DLG2: variants seen among roughly 807,000 people sequenced by gnomAD.
DLG2 encodes the protein discs large MAGUK scaffold protein 2.
Under a neutral mutation model 132.5 loss-of-function variants are expected in DLG2, and 45 were observed. The observed-to-expected ratio is 0.34, with a 90% CI of 0.27 to 0.44. The LOEUF (loss-of-function observed/expected upper bound fraction) is 0.44. Ranked by LOEUF, DLG2 falls within the 20% of genes least tolerant of loss-of-function variation. DLG2 has a pLI of 1.00. For missense variants in DLG2, 1,045 were observed against 1,196.9 expected, an observed-to-expected ratio of 0.87 and a Z score of 1.87; for synonymous variants, 424 against 419.6, an observed-to-expected ratio of 1.01 and a Z score of -0.13.
chr11:83,696,749 T>C (rs2082016694), intron 18 of DLG2, among the ~76,000 whole-genome samples: 1 of 152,166 alleles, frequency 6.6e-6, no homozygotes, highest in Non-Finnish European at 1.5e-5. Context: ...TGCAGAGTAT[T>C]GGGTCTGTCA....
At chr11:84,288,351 A>T (rs1270533364) in intron 7 of DLG2, among the ~76,000 whole-genome samples, 3 of 152,064 alleles carry the variant, frequency 2.0e-5, no homozygotes. Context: ...TTATTTTATT[A>T]ATGCTATCAG....
chr11:84,465,674 A>C (rs1308576319), intron 7 of DLG2, among the ~76,000 whole-genome samples: 1 of 151,272 alleles, frequency 6.6e-6, no homozygotes, highest in Non-Finnish European at 1.5e-5. Context: ...TTAACAAAAT[A>C]ATCATTTTTA....
intron 17 of DLG2, among the ~76,000 whole-genome samples, chr11:83,829,996 GT>G (rs2054013882): frequency 6.6e-6 from 1 of 152,050 alleles, no homozygotes; most frequent in African/African-American, 2.4e-5. Context: ...AACATGCGGT[GT>G]TTCGTTTTCT....
At chr11:84,823,913 C>T (rs753644642) in intron 6 of DLG2, among the ~76,000 whole-genome samples, 44 of 151,900 alleles carry the variant, frequency 2.9e-4, no homozygotes, top group Non-Finnish European at 5.7e-4. Context: ...AAAGGTGGCA[C>T]GGCTCTGTCC....
intron 7 of DLG2, among the ~76,000 whole-genome samples, chr11:84,373,197 A>G (rs905294312): frequency 7.2e-6 from 1 of 138,118 alleles, no homozygotes; most frequent in Non-Finnish European, 1.5e-5. Flanking sequence ...GGATGATCTC[A>G]ACAATGTTAC....
At chr11:85,049,226 G>A (rs1428065904) in intron 6 of DLG2, among the ~76,000 whole-genome samples, 3 of 151,832 alleles carry the variant, frequency 2.0e-5, no homozygotes, top group East Asian at 1.9e-4. Context: ...TTCCAGTCTC[G>A]TGGTACCAAT....
intron 2 of DLG2, among the ~76,000 whole-genome samples, chr11:85,611,063 T>G (rs1431263012): frequency 6.6e-6 from 1 of 152,094 alleles, no homozygotes; most frequent in African/African-American, 2.4e-5. Flanking sequence ...AGGACAAAAC[T>G]TATCTCTATA....
In DLG2 at chr11:83,670,106, T is replaced by A. The variant is rs191647099; in HGVS notation, c.1826-36781A>T. 7.9e-5 allele frequency among the ~76,000 whole-genome samples: 12 copies of A among 152,318 alleles called. No individual in the cohort carries two copies. The East Asian group carries it at 2.1e-3, about 27-fold the overall frequency. ...CAGCTTATCCAGCTGAGGACAGGCA[T>A]CATAAATATTCCAGTGAGTTCCATG... On this transcript the variant is annotated intron_variant, in intron 18 of 27. Coordinates refer to ENST00000376104, the MANE Select transcript of DLG2 (RefSeq NM_001142699.3).
intron 12 of DLG2, among the ~76,000 whole-genome samples, chr11:83,971,403 G>A (rs2091309141): frequency 6.6e-6 from 1 of 152,192 alleles, no homozygotes; most frequent in Non-Finnish European, 1.5e-5. Context: ...CAAACCAGCT[G>A]AAGAAAGAGG....
At position 85,073,967 on chromosome 11, in the gene DLG2, G is replaced by A. The variant is rs772387829; in HGVS notation, c.357+37694C>T. Among the ~76,000 whole-genome samples the A allele has an allele frequency of 4.1e-4, 62 of 151,768 alleles. 1 individual carries two copies. The highest frequency in any genetic ancestry group is 2.6e-4 in the Admixed American group (4 of 15,192). On this transcript the variant is annotated intron_variant, in intron 6 of 27. Coordinates refer to ENST00000376104, the MANE Select transcript of DLG2 (RefSeq NM_001142699.3). ...TGCAGCAACCTGAATGTATCTGAAGGCCATTATCCAAGTGAACCAACACAG... is the reference window on the plus strand; with the variant it reads ...TGCAGCAACCTGAATGTATCTGAAGACCATTATCCAAGTGAACCAACACAG...
intron 19 of DLG2, among the ~76,000 whole-genome samples, chr11:83,584,350 C>T (rs1056155187): frequency 6.6e-6 from 1 of 152,110 alleles, no homozygotes; most frequent in African/African-American, 2.4e-5. Context: ...GAGTTGATAG[C>T]CCAGTTCCAT....
intron 13 of DLG2, among the ~76,000 whole-genome samples, chr11:83,963,425 TTCTCC>T (rs1383926710): frequency 6.6e-6 from 1 of 151,976 alleles, no homozygotes; most frequent in Non-Finnish European, 1.5e-5. Flanking sequence ...AAGGATCAGG[TTCTCC>T]TGTGAGACTT....
At chr11:84,793,148 C>A (rs1254962466) in intron 6 of DLG2, among the ~76,000 whole-genome samples, 1 of 152,016 alleles carries the variant, frequency 6.6e-6, no homozygotes, top group Non-Finnish European at 1.5e-5. Context: ...TTTCGGTTTC[C>A]TTCTAAATGT....
At chr11:85,313,862 T>C (rs976204424) in intron 3 of DLG2, among the ~76,000 whole-genome samples, 1 of 151,914 alleles carries the variant, frequency 6.6e-6, no homozygotes, top group African/African-American at 2.4e-5. Flanking sequence ...ATGACCTCAA[T>C]TGCAAAACTC....
intron 6 of DLG2, among the ~76,000 whole-genome samples, chr11:84,652,778 A>G (rs2099683633): frequency 6.6e-6 from 1 of 152,196 alleles, no homozygotes; most frequent in African/African-American, 2.4e-5. Context: ...AGATGAGAAA[A>G]TTAAACCTTA....
intron 17 of DLG2, among the ~76,000 whole-genome samples, chr11:83,798,736 T>C (rs551150714): frequency 1.3e-5 from 2 of 152,154 alleles, no homozygotes; most frequent in Non-Finnish European, 2.9e-5. Context: ...CTATCTCTAC[T>C]TTATTCAGAG....
At chr11:83,766,709 C>A (rs1166330843) in intron 18 of DLG2, among the ~76,000 whole-genome samples, 2 of 151,994 alleles carry the variant, frequency 1.3e-5, no homozygotes, top group African/African-American at 4.8e-5. Context: ...CATATATTTT[C>A]TTTCATTTTT....
intron 17 of DLG2, among the ~76,000 whole-genome samples, chr11:83,804,321 A>G (rs1198735454): frequency 6.6e-6 from 1 of 152,094 alleles, no homozygotes; most frequent in Non-Finnish European, 1.5e-5. Flanking sequence ...TATTTATTAA[A>G]CTATTTCTCT....
chr11:84,669,994 GAA>G (rs1385615855), intron 6 of DLG2, among the ~76,000 whole-genome samples: 1 of 152,286 alleles, frequency 6.6e-6, no homozygotes, highest in Admixed American at 6.5e-5. Context: ...ACCTGTTGTA[GAA>G]AGAACCAGAA....
Sources: allele counts gnomAD v4.1 joint callset (sites outside exome capture counted in the v4.1 genomes callset), GRCh38; gene constraint gnomAD v4.1.1; transcripts MANE v1.5; gene names NCBI Gene and HGNC (gene_info 2026-07-23, HGNC 2026-07-21).